NCOA6: variants seen among roughly 807,000 people sequenced by gnomAD.
The protein encoded by NCOA6 is NRC RAP250.
NCOA6 carries 49 observed loss-of-function variants against 171.4 expected under a neutral mutation model. That is an observed-to-expected ratio of 0.29 (90% CI 0.23 to 0.36). NCOA6 has a LOEUF of 0.36. NCOA6 is among the 10% of genes least tolerant of loss of function. The probability of loss-of-function intolerance (pLI) is 1.00; values close to 1 mark genes in which losing one functional copy is unlikely to be tolerated. For synonymous variants in NCOA6, 910 were observed against 927.5 expected, an observed-to-expected ratio of 0.98 and a Z score of 0.34; for missense variants, 2,248 against 2,554.5, an observed-to-expected ratio of 0.88 and a Z score of 2.59.
rs543587280 is a variant in NCOA6, at chr20:34,763,131, G to C, written c.515-4198C>G. Among the ~76,000 whole-genome samples, 71 of 152,286 alleles carry C rather than the reference G, an allele frequency of 4.7e-4. 1 individual carries two copies. Among genetic ancestry groups the C allele is most frequent in the African/African-American group, 1.7e-3 (71 of 41,568 alleles). On this transcript the variant is annotated intron_variant, in intron 5 of 14. Coordinates refer to ENST00000359003, the MANE Select transcript of NCOA6 (RefSeq NM_014071.5). ...TAGTGCTCAGGAATACTGGGCTTCT[G>C]AATCTGAGGACTTACGTCTTTCATC...
rs2076671961 is a variant in NCOA6, at chr20:34,757,355, G to C, written c.1393C>G (p.Gln465Glu). ...GAGCTGACAGGCTGCTGAAATCCCT[G>C]GGGAAGTGGGTTATTTTGAGGTGGC... The part of the protein sequence containing the change: ...PRPPQNNPLP[Q>E]GFQQPVSSPG... The change falls in exon 7 of 15, where the codon CAG becomes GAG. Residue 465 changes from glutamine to glutamate, a missense_variant. Gln to Glu is a conservative substitution (Grantham distance 29). Transcript: ENST00000359003. The C allele has an allele frequency of 6.2e-7, 1 of 1,614,040 alleles. No homozygotes were observed. Among genetic ancestry groups the C allele is most frequent in the Non-Finnish European group, 8.5e-7 (1 of 1,180,020 alleles).
Position 34,782,401 on chromosome 20 carries a change from ACTT to A in NCOA6, c.-49_-47del, listed in dbSNP as rs2077536332. ...CATATGCCAAGAGGACAATAAGAAA[ACTT>A]CTGAAAAGAGAAGATGCAAAAGAGC... On this transcript the variant is annotated splice_region_variant and 5_prime_UTR_variant, in exon 3 of 15. Coordinates refer to ENST00000359003, the MANE Select transcript of NCOA6 (RefSeq NM_014071.5). 2.4e-6 allele frequency: 3 copies of A among 1,242,576 alleles called. No individual in the cohort carries two copies. The allele number at this position is 1,242,576 out of a possible 1,614,324, so 77.0% of individuals were successfully genotyped here. A position where few individuals can be genotyped will look rare whatever the true frequency, so the allele number is the denominator to read the frequency against.
chr20:34,814,221 C>T (rs1227289250), intron 1 of NCOA6, among the ~76,000 whole-genome samples: 1 of 152,002 alleles, frequency 6.6e-6, no homozygotes, highest in African/African-American at 2.4e-5. Context: ...TGCCTGTAAT[C>T]CTAGCTACTC....
chr20:34,792,345 G>T, intron 2 of NCOA6, 105 bp downstream of exon 2: 2 of 381,810 alleles, frequency 5.2e-6, no homozygotes, highest in South Asian at 2.9e-4. Context: ...AATAATAAAT[G>T]CATTCTACAC....
At chr20:34,783,268 C>G (rs1264707528) in intron 2 of NCOA6, among the ~76,000 whole-genome samples, 3 of 151,416 alleles carry the variant, frequency 2.0e-5, no homozygotes, top group Non-Finnish European at 4.4e-5. Flanking sequence ...GGCAACAGAG[C>G]AAGACTCCGT....
rs190765619 is a variant in NCOA6 at position 34,785,110 on chromosome 20, A to T, written c.-49-2706T>A. Among the ~76,000 whole-genome samples, 416 of 152,176 alleles carry T rather than the reference A, an allele frequency of 2.7e-3. 4 individuals are homozygous for T. Among genetic ancestry groups the T allele is most frequent in the Middle Eastern group, 0.017 (5 of 294 alleles). On this transcript the variant is annotated intron_variant, in intron 2 of 14. Transcript: ENST00000359003. ...AATAAATAAATAAAATAAAATAAAA[A>T]AATTACTACTGACTAAACTTCAACA...
At chr20:34,776,860 TA>T in intron 3 of NCOA6, 1 of 431,938 alleles carries the variant, frequency 2.3e-6, no homozygotes, top group Non-Finnish European at 4.5e-6. Flanking sequence ...GGCTCATGCC[TA>T]TAATCCCAGC....
intron 1 of NCOA6, among the ~76,000 whole-genome samples, chr20:34,802,652 A>T (rs769664998): frequency 8.5e-5 from 13 of 152,178 alleles, no homozygotes; most frequent in Non-Finnish European, 1.2e-4. Context: ...TAATACTATG[A>T]TCATATATTG....
At chr20:34,818,369 C>G (rs1449404157) in intron 1 of NCOA6, among the ~76,000 whole-genome samples, 3 of 151,870 alleles carry the variant, frequency 2.0e-5, no homozygotes, top group Admixed American at 6.6e-5. Context: ...AAAAACAAAA[C>G]AAAACAAAAC....
chr20:34,793,153 C>A (rs1382784230), intron 1 of NCOA6, among the ~76,000 whole-genome samples: 3 of 152,102 alleles, frequency 2.0e-5, no homozygotes, highest in Non-Finnish European at 4.4e-5. Context: ...CAGACTTATA[C>A]AAGCATCACT....
At chr20:34,792,699 T>C in intron 1 of NCOA6, 136 bp from the exon 2 acceptor site, 1 of 392,030 alleles carries the variant, frequency 2.6e-6, no homozygotes, top group Non-Finnish European at 4.5e-6. Context: ...ATATCACAAG[T>C]TATCAAGTCA....
intron 5 of NCOA6, among the ~76,000 whole-genome samples, chr20:34,767,519 C>A (rs780170898): frequency 3.3e-5 from 5 of 152,136 alleles, no homozygotes; most frequent in African/African-American, 1.2e-4. Flanking sequence ...TGGTCTCGAA[C>A]CCCTGACCTC....
chr20:34,817,525 G>A (rs999091253), intron 1 of NCOA6, among the ~76,000 whole-genome samples: 1 of 152,034 alleles, frequency 6.6e-6, no homozygotes, highest in African/African-American at 2.4e-5. Context: ...CAAAGCCATA[G>A]TATTTCATTT....
intron 13 of NCOA6, among the ~76,000 whole-genome samples, chr20:34,728,738 AG>A (rs1473211689): frequency 6.6e-6 from 1 of 152,230 alleles, no homozygotes; most frequent in East Asian, 1.9e-4. Flanking sequence ...TAACGATAGT[AG>A]ATTAGTTAGC....
intron 5 of NCOA6, among the ~76,000 whole-genome samples, chr20:34,765,231 T>C (rs2145921963): frequency 6.6e-6 from 1 of 151,306 alleles, no homozygotes; most frequent in East Asian, 1.9e-4. Context: ...GACAGGTGGA[T>C]CACAAGGTCA....
At chr20:34,807,286 T>C (rs1228784891) in intron 1 of NCOA6, among the ~76,000 whole-genome samples, 1 of 152,130 alleles carries the variant, frequency 6.6e-6, no homozygotes, top group East Asian at 1.9e-4. Flanking sequence ...GGAAACAGAT[T>C]ATTCCCCAGC....
At chr20:34,730,079 T>C (rs532108745) in intron 13 of NCOA6, among the ~76,000 whole-genome samples, 156 of 152,032 alleles carry the variant, frequency 1.0e-3, no homozygotes, top group African/African-American at 3.6e-3. Context: ...ATTTTTGTTT[T>C]TTTTTTGAGA....
chr20:34,776,475 AT>A (rs759165196), intron 3 of NCOA6, 27 bp from the exon 4 acceptor site: 1 of 1,610,250 alleles, frequency 6.2e-7, no homozygotes, highest in Non-Finnish European at 8.5e-7. Flanking sequence ...AAAGAATTAT[AT>A]TAATAATCTT....
At position 34,758,815 on chromosome 20, in the gene NCOA6, A is replaced by T; in HGVS notation, c.633T>A (p.Ala211=). 1 of 1,612,580 alleles carries T rather than the reference A, an allele frequency of 6.2e-7. No homozygotes were observed. The highest frequency in any genetic ancestry group is 8.5e-7 in the Non-Finnish European group (1 of 1,179,592). The change falls in exon 6 of 15, where the codon GCT becomes GCA. Residue 211 remains alanine, a synonymous_variant. Transcript: ENST00000359003. The stretch of plus-strand genomic sequence containing the variant: ...ATTGGAAGTCATTACCTGACTGAGA[A>T]GCAGGGCGAGGAGTCCTGGGCTGCA... The part of the protein sequence containing the change: ...PELQPRTPRP[A]SQSDAMDPLL...
Sources: gnomAD v4.1 joint callset for allele counts (sites outside exome capture counted in the v4.1 genomes callset) on GRCh38, gnomAD v4.1.1 for gene constraint, MANE v1.5 for transcripts, NCBI Gene and HGNC (gene_info 2026-07-23, HGNC 2026-07-21) for gene names.